Variants in USP32 observed in about 807,000 individuals in gnomAD.
USP32 encodes ubiquitin carboxyl-terminal hydrolase 32.
USP32 carries 59 observed loss-of-function variants against 204.8 expected under a neutral mutation model. The observed-to-expected ratio is 0.29, with a 90% CI of 0.23 to 0.36. The LOEUF (loss-of-function observed/expected upper bound fraction) is 0.36. USP32 is among the 10% of genes least tolerant of loss of function. The probability of loss-of-function intolerance (pLI) is 1.00; values close to 1 mark genes in which losing one functional copy is unlikely to be tolerated. For missense variants in USP32, 1,160 were observed against 1,946.4 expected (o/e 0.60, Z 7.60); for synonymous variants, 517 against 678.4 (o/e 0.76, Z 3.70).
chr17:60,380,343 G>A (rs1184586712), intron 1 of USP32, among the ~76,000 whole-genome samples: 1 of 152,168 alleles, frequency 6.6e-6, no homozygotes, highest in African/African-American at 2.4e-5. Context: ...GTGGTGGGTG[G>A]ATCTCTTGAG....
intron 5 of USP32, among the ~76,000 whole-genome samples, chr17:60,278,405 A>G (rs528447244): frequency 7.2e-5 from 11 of 152,154 alleles, no homozygotes; most frequent in African/African-American, 2.6e-4. Flanking sequence ...GAGCACATAC[A>G]TGGGTAGGCC....
chr17:60,365,768 T>A (rs1276910085), intron 1 of USP32, among the ~76,000 whole-genome samples: 1 of 152,194 alleles, frequency 6.6e-6, no homozygotes, highest in African/African-American at 2.4e-5. Context: ...ATTTTGTATG[T>A]AATTTTATTA....
At chr17:60,252,465 A>G (rs778662023) in intron 10 of USP32, 23 bp from the exon 11 acceptor site, 6 of 1,582,556 alleles carry the variant, frequency 3.8e-6, no homozygotes, top group African/African-American at 1.4e-5. Context: ...ATGGTAAATC[A>G]AAGTTTATTA....
chr17:60,232,810 G>T (rs2085606925), intron 12 of USP32, among the ~76,000 whole-genome samples: 1 of 151,360 alleles, frequency 6.6e-6, no homozygotes, highest in Non-Finnish European at 1.5e-5. Flanking sequence ...GCATCCCAAA[G>T]TGCTGGGATA....
intron 21 of USP32, among the ~76,000 whole-genome samples, chr17:60,209,925 A>G (rs2084916510): frequency 1.3e-5 from 2 of 152,058 alleles, no homozygotes; most frequent in South Asian, 4.1e-4. Flanking sequence ...TGTATATTTT[A>G]TAGGTACATA....
chr17:60,236,596 A>C (rs1218393670), intron 11 of USP32, among the ~76,000 whole-genome samples: 1 of 152,242 alleles, frequency 6.6e-6, no homozygotes, highest in African/African-American at 2.4e-5. Flanking sequence ...GGAATAATTT[A>C]CATATATATA....
chr17:60,394,047 C>T (rs2089881213), upstream of USP32, among the ~76,000 whole-genome samples: 3 of 152,230 alleles, frequency 2.0e-5, no homozygotes, highest in South Asian at 4.1e-4. Context: ...GCATTAGTCA[C>T]AGCGCTGCCC....
intron 1 of USP32, among the ~76,000 whole-genome samples, chr17:60,385,561 G>A (rs1374302824): frequency 1.3e-5 from 2 of 151,936 alleles, no homozygotes; most frequent in Middle Eastern, 3.4e-3. Context: ...AAATAAATAG[G>A]CCAGAAGCAG....
chr17:60,225,111 A>C (rs2085350031), intron 13 of USP32, among the ~76,000 whole-genome samples: 1 of 152,180 alleles, frequency 6.6e-6, no homozygotes, highest in Non-Finnish European at 1.5e-5. Context: ...AAATTTACTG[A>C]CTAAATAATT....
chr17:60,363,284 G>A (rs2089246952), intron 1 of USP32, among the ~76,000 whole-genome samples: 1 of 151,494 alleles, frequency 6.6e-6, no homozygotes, highest in Non-Finnish European at 1.5e-5. Flanking sequence ...ATGAAACCCC[G>A]TCTCTACTAA....
chr17:60,326,478 T>G (rs1472517457), intron 2 of USP32, among the ~76,000 whole-genome samples: 1 of 152,072 alleles, frequency 6.6e-6, no homozygotes, highest in Non-Finnish European at 1.5e-5. Context: ...GCTCGGCTAA[T>G]TTTTGTATTT....
intron 1 of USP32, among the ~76,000 whole-genome samples, chr17:60,351,942 CA>C (rs199740646): frequency 4.1e-5 from 6 of 145,488 alleles, no homozygotes; most frequent in Admixed American, 3.4e-4. Flanking sequence ...GTTCACCTGG[CA>C]AAAAAAAACG....
intron 1 of USP32, among the ~76,000 whole-genome samples, chr17:60,353,376 T>G (rs2088997466): frequency 6.6e-6 from 1 of 152,200 alleles, no homozygotes; most frequent in African/African-American, 2.4e-5. Flanking sequence ...TTTGGTATTT[T>G]GTGATGGTAG....
Position 60,382,662 on chromosome 17 carries a change from T to C in USP32, c.58+9220A>G, listed in dbSNP as rs138274242. Among the ~76,000 whole-genome samples the C allele has an allele frequency of 6.7e-4, 102 of 152,340 alleles. 2 individuals are homozygous for C. In the East Asian group the frequency reaches 0.019, roughly 28 times the overall value. On this transcript the variant is annotated intron_variant, in intron 1 of 33. Transcript: ENST00000300896. Reference sequence around the variant, plus strand: ...GTGTGTTGAATTTTATATAACTCTGTATAACACTTTAAGCAAATAACTTTC... The same window carrying C: ...GTGTGTTGAATTTTATATAACTCTGCATAACACTTTAAGCAAATAACTTTC...
chr17:60,215,580 C>T lies in USP32; in HGVS notation c.1868-806G>A, dbSNP rs539656502. On this transcript the variant is annotated intron_variant, in intron 16 of 33. Coordinates refer to ENST00000300896, the MANE Select transcript of USP32 (RefSeq NM_032582.4). ...GATTCACCTGGTCCACTTTCCTAAA[C>T]TTTCTTTGAATCACTAATCCCATCA... Among the ~76,000 whole-genome samples, 5 of 152,030 alleles carry T rather than the reference C, an allele frequency of 3.3e-5. No individual in the cohort carries two copies. In the South Asian group the frequency reaches 1.0e-3, roughly 32 times the overall value.
At chr17:60,338,783 A>G (rs2088585318) in intron 2 of USP32, among the ~76,000 whole-genome samples, 1 of 152,112 alleles carries the variant, frequency 6.6e-6, no homozygotes, top group South Asian at 2.1e-4. Flanking sequence ...AGTAGAATAC[A>G]TTTTTCATTT....
In USP32 at chr17:60,255,102, T is replaced by G. The variant is rs58070070; in HGVS notation, c.1074+73A>C. 4.9e-3 allele frequency: 5,218 copies of G among 1,073,962 alleles called. 195 individuals carry two copies. In the African/African-American group the frequency reaches 0.074, roughly 15 times the overall value. The allele number at this position is 1,073,962 out of a possible 1,614,324, so 66.5% of individuals were successfully genotyped here. A position where few individuals can be genotyped will look rare whatever the true frequency, so the allele number is the denominator to read the frequency against. On this transcript the variant is annotated intron_variant, in intron 10 of 33. Coordinates refer to ENST00000300896, the MANE Select transcript of USP32 (RefSeq NM_032582.4). Reference sequence around the variant, plus strand: ...GCAGCCTAGATACAACAACTCTGGCTACTATATGATGGAAAAGATGTAGAA... The same window carrying G: ...GCAGCCTAGATACAACAACTCTGGCGACTATATGATGGAAAAGATGTAGAA...
chr17:60,249,973 T>C (rs2086126325), intron 11 of USP32, among the ~76,000 whole-genome samples: 2 of 151,892 alleles, frequency 1.3e-5, no homozygotes, highest in East Asian at 3.9e-4. Context: ...TTTTTATAAG[T>C]AATAGTAGAG....
At chr17:60,255,978 A>G (rs1295061610) in intron 9 of USP32, among the ~76,000 whole-genome samples, 1 of 152,186 alleles carries the variant, frequency 6.6e-6, no homozygotes, top group East Asian at 1.9e-4. Context: ...AAAAACATTG[A>G]CTTGCAGAAT....
Sources: allele counts gnomAD v4.1 joint callset (sites outside exome capture counted in the v4.1 genomes callset), GRCh38; gene constraint gnomAD v4.1.1; transcripts MANE v1.5; gene names NCBI Gene and HGNC (gene_info 2026-07-23, HGNC 2026-07-21).